MOB1B: variants seen among roughly 807,000 people sequenced by gnomAD.
MOB1B encodes MOB1 Mps One Binder homolog B.
Under a neutral mutation model 24.4 loss-of-function variants are expected in MOB1B, and 19 were observed. The ratio of observed to expected loss-of-function variants is 0.78; its 90% CI spans 0.54 to 1.14. MOB1B has a LOEUF of 1.14. Among genes scored for constraint, MOB1B ranks in the 50% most tolerant of loss-of-function variants. MOB1B has a pLI of 0.00. For synonymous variants in MOB1B, 76 were observed against 82.1 expected, an observed-to-expected ratio of 0.93 and a Z score of 0.40; for missense variants, 243 against 259.6, an observed-to-expected ratio of 0.94 and a Z score of 0.44.
At chr4:70,976,684 C>G (rs1170528577) in intron 4 of MOB1B, 1 of 959,980 alleles carries the variant, frequency 1.0e-6, no homozygotes, top group Admixed American at 6.2e-5. Context: ...GTACTTTAAA[C>G]ATATTTATTG....
In MOB1B at chr4:70,931,899, T is replaced by TTTG. The variant is rs1313390260; in HGVS notation, c.15-26963_15-26961dup. Among the ~76,000 whole-genome samples the TTTG allele has an allele frequency of 4.0e-5, 6 of 151,824 alleles. No homozygotes were observed. In the East Asian group the frequency reaches 9.6e-4, roughly 24 times the overall value. On this transcript the variant is annotated intron_variant, in intron 1 of 5. Transcript: ENST00000309395. ...GCACATGCACCATGCCTGGCTAAGT[T>TTTG]TTGTTGTTGTTGTTCAGACGTGGTC...
intron 1 of MOB1B, 140 bp downstream of exon 1, chr4:70,902,690 GC>G (rs1237226797): frequency 2.8e-4 from 218 of 782,690 alleles, no homozygotes; most frequent in Non-Finnish European, 2.5e-4. Flanking sequence ...ACCAAGCGGG[GC>G]CCCGGGACTG....
intron 1 of MOB1B, among the ~76,000 whole-genome samples, chr4:70,955,910 T>C (rs1293615963): frequency 1.3e-5 from 2 of 152,086 alleles, no homozygotes; most frequent in Non-Finnish European, 2.9e-5. Context: ...TCATTTTATT[T>C]TTATTTTTTG....
intron 1 of MOB1B, among the ~76,000 whole-genome samples, chr4:70,916,327 C>G (rs1429256137): frequency 6.6e-6 from 1 of 152,166 alleles, no homozygotes; most frequent in Non-Finnish European, 1.5e-5. Context: ...CAGCTCTTGT[C>G]ATTTCAGTTG....
At chr4:70,932,104 A>G (rs1215108301) in intron 1 of MOB1B, among the ~76,000 whole-genome samples, 2 of 152,160 alleles carry the variant, frequency 1.3e-5, no homozygotes, top group East Asian at 3.8e-4. Flanking sequence ...GTATCTGTGG[A>G]GCAGGCCTCT....
intron 4 of MOB1B, among the ~76,000 whole-genome samples, chr4:70,977,123 T>G (rs779887061): frequency 6.6e-5 from 10 of 152,140 alleles, no homozygotes; most frequent in Admixed American, 2.6e-4. Flanking sequence ...CTTAGGAAAT[T>G]TATACTGATG....
chr4:70,937,664 A>AC (rs1197384869), intron 1 of MOB1B, among the ~76,000 whole-genome samples: 1 of 151,986 alleles, frequency 6.6e-6, no homozygotes, highest in Non-Finnish European at 1.5e-5. Flanking sequence ...GGCACGAGCC[A>AC]CCACACCCAG....
At chr4:70,952,935 CTTTTTTTTTTT>C (rs71211985) in intron 1 of MOB1B, among the ~76,000 whole-genome samples, 103 of 72,316 alleles carry the variant, frequency 1.4e-3, no homozygotes, top group Non-Finnish European at 2.2e-3. Flanking sequence ...GTCATTTGGT[CTTTTTTTTTTT>C]TTTTTTTTTT....
chr4:70,902,463 T>G lies in MOB1B; in HGVS notation c.-74T>G. ...TCCCTGTCTCCTGTTCCATTCGCCT[T>G]TCCTCTTCTTTCCTGGCCCACGCCG... On this transcript the variant is annotated 5_prime_UTR_variant, in exon 1 of 6. Transcript: ENST00000309395. The G allele has an allele frequency of 1.3e-6, 2 of 1,505,064 alleles. No homozygotes were observed. Among genetic ancestry groups the G allele is most frequent in the Non-Finnish European group, 1.8e-6 (2 of 1,105,452 alleles). 93.2% of individuals were successfully genotyped at this position (1,505,064 alleles called of 1,614,324 possible).
intron 2 of MOB1B, among the ~76,000 whole-genome samples, chr4:70,967,374 T>C (rs1242648726): frequency 6.6e-6 from 1 of 152,182 alleles, no homozygotes; most frequent in Non-Finnish European, 1.5e-5. Flanking sequence ...CCTCAGATGG[T>C]CCACCCACCT....
Position 70,902,498 on chromosome 4 carries a change from C to T in MOB1B, c.-39C>T. ...TTCCTGGCCCACGCCGCTCCGAGGC[C>T]TCGCGACCGCCGAGCCTGCAGCCTG... On this transcript the variant is annotated 5_prime_UTR_variant, in exon 1 of 6. Transcript: ENST00000309395. 6.4e-7 allele frequency: 1 copy of T among 1,554,400 alleles called. No individual in the cohort carries two copies. Among genetic ancestry groups the T allele is most frequent in the Non-Finnish European group, 8.7e-7 (1 of 1,149,334 alleles).
chr4:70,937,381 G>T (rs1047889065), intron 1 of MOB1B, among the ~76,000 whole-genome samples: 2 of 151,648 alleles, frequency 1.3e-5, no homozygotes, highest in Non-Finnish European at 1.5e-5. Context: ...TTCTCTTTTA[G>T]TCTAAAAGAG....
At chr4:70,943,291 C>A (rs150674679) in intron 1 of MOB1B, among the ~76,000 whole-genome samples, 34 of 152,252 alleles carry the variant, frequency 2.2e-4, no homozygotes, top group African/African-American at 7.9e-4. Flanking sequence ...ACTAGTTCTG[C>A]TTTTTGCACT....
rs1359180351 is a variant in MOB1B, at chr4:70,987,958, A to T, written c.*5901A>T. 6.6e-6 allele frequency: 1 copy of T among 152,636 alleles called. No individual in the cohort carries two copies. The highest frequency in any genetic ancestry group is 1.5e-5 in the Non-Finnish European group (1 of 68,032). 9.5% of individuals were successfully genotyped at this position (152,636 alleles called of 1,614,324 possible). A position where few individuals can be genotyped will look rare whatever the true frequency, so the allele number is the denominator to read the frequency against. ...ATTATGCAAATTGTAGTTGTTACTGATCAAAGTTTAATTGCTTCATTTTTG... is the reference window on the plus strand; with the variant it reads ...ATTATGCAAATTGTAGTTGTTACTGTTCAAAGTTTAATTGCTTCATTTTTG... On this transcript the variant is annotated 3_prime_UTR_variant, in exon 6 of 6. Coordinates refer to ENST00000309395, the MANE Select transcript of MOB1B (RefSeq NM_173468.4).
chr4:70,922,721 T>G (rs1040109339), intron 1 of MOB1B, among the ~76,000 whole-genome samples: 2 of 152,232 alleles, frequency 1.3e-5, no homozygotes, highest in African/African-American at 4.8e-5. Flanking sequence ...CTAATTTGTT[T>G]AGTAGAGTTA....
At chr4:70,967,414 G>A (rs567932055) in intron 2 of MOB1B, among the ~76,000 whole-genome samples, 32 of 152,244 alleles carry the variant, frequency 2.1e-4, no homozygotes, top group African/African-American at 6.5e-4. Flanking sequence ...GATTACAGGC[G>A]TGAGCCACCG....
intron 1 of MOB1B, among the ~76,000 whole-genome samples, chr4:70,945,218 C>T (rs1477044525): frequency 6.6e-6 from 1 of 152,192 alleles, no homozygotes; most frequent in Non-Finnish European, 1.5e-5. Flanking sequence ...TCAGCTTCCC[C>T]TTAGTTCAGT....
intron 1 of MOB1B, among the ~76,000 whole-genome samples, chr4:70,921,541 C>G (rs1736441836): frequency 8.3e-6 from 1 of 120,530 alleles, no homozygotes; most frequent in Non-Finnish European, 1.6e-5. Flanking sequence ...GAGTATTGCT[C>G]TGTCACCCAG....
At chr4:70,937,268 T>A (rs1480262902) in intron 1 of MOB1B, among the ~76,000 whole-genome samples, 1 of 151,896 alleles carries the variant, frequency 6.6e-6, no homozygotes, top group Non-Finnish European at 1.5e-5. Flanking sequence ...ATATGGGACT[T>A]CTTTTTTTTT....
Sources: gnomAD v4.1 joint callset for allele counts (sites outside exome capture counted in the v4.1 genomes callset) on GRCh38, gnomAD v4.1.1 for gene constraint, MANE v1.5 for transcripts, NCBI Gene and HGNC (gene_info 2026-07-23, HGNC 2026-07-21) for gene names.